Variants in SLC9A2 observed in about 807,000 individuals in gnomAD.
SLC9A2 encodes the protein sodium/hydrogen exchanger 2.
SLC9A2 carries 42 observed loss-of-function variants against 71.7 expected under a neutral mutation model. That is an observed-to-expected ratio of 0.59 (90% CI 0.46 to 0.76). The LOEUF is 0.76. Among genes scored for constraint, SLC9A2 ranks in the 30% least tolerant of loss-of-function variants. The pLI, the probability that SLC9A2 is intolerant of heterozygous loss-of-function variation, is 0.00. For missense variants in SLC9A2, 829 were observed against 1,017.4 expected (o/e 0.81, Z 2.52); for synonymous variants, 396 against 392.5 (o/e 1.01, Z -0.10).
intron 1 of SLC9A2, among the ~76,000 whole-genome samples, chr2:102,626,429 GATTAAAGACTTAA>G (rs551206148): frequency 6.6e-6 from 1 of 152,238 alleles, no homozygotes; most frequent in Admixed American, 6.5e-5. Flanking sequence ...ATTCAAGATG[GATTAAAGACTTAA>G]ATGTTAGACC....
chr2:102,694,591 C>A (rs1677718299), intron 6 of SLC9A2, 88 bp downstream of exon 6: 2 of 583,662 alleles, frequency 3.4e-6, no homozygotes, highest in Non-Finnish European at 5.8e-6. Context: ...TGTCCATTTC[C>A]TGAAGAAGAA....
chr2:102,655,431 G>T (rs1376456167), intron 1 of SLC9A2, among the ~76,000 whole-genome samples: 1 of 152,208 alleles, frequency 6.6e-6, no homozygotes, highest in Non-Finnish European at 1.5e-5. Flanking sequence ...TGGGATTACA[G>T]GTGTGAGTCA....
chr2:102,623,168 C>T (rs1308213874), intron 1 of SLC9A2, among the ~76,000 whole-genome samples: 1 of 152,150 alleles, frequency 6.6e-6, no homozygotes, highest in Non-Finnish European at 1.5e-5. Context: ...ACATATTGCA[C>T]CTCCTGTCCT....
chr2:102,670,251 C>G (rs541727908), intron 3 of SLC9A2, among the ~76,000 whole-genome samples: 3 of 151,350 alleles, frequency 2.0e-5, no homozygotes, highest in African/African-American at 7.3e-5. Context: ...CTCCTGACCT[C>G]GTGATCCGCC....
chr2:102,631,223 C>T (rs1676348497), intron 1 of SLC9A2, among the ~76,000 whole-genome samples: 2 of 151,988 alleles, frequency 1.3e-5, no homozygotes, highest in South Asian at 4.1e-4. Context: ...GCGAATTTCC[C>T]CTGGCTCAAA....
chr2:102,630,380 T>C (rs1487755137), intron 1 of SLC9A2, among the ~76,000 whole-genome samples: 1 of 152,056 alleles, frequency 6.6e-6, no homozygotes, highest in African/African-American at 2.4e-5. Flanking sequence ...ACTCAGAATA[T>C]ATTACTTCAA....
chr2:102,662,556 G>T (rs1478763788), intron 2 of SLC9A2, among the ~76,000 whole-genome samples: 1 of 152,190 alleles, frequency 6.6e-6, no homozygotes, highest in Non-Finnish European at 1.5e-5. Context: ...ATTTGCAAAG[G>T]CTGGAGGGGT....
intron 1 of SLC9A2, among the ~76,000 whole-genome samples, chr2:102,655,120 TG>T (rs1054364658): frequency 6.6e-6 from 1 of 152,148 alleles, no homozygotes; most frequent in African/African-American, 2.4e-5. Flanking sequence ...TATTTAAAAA[TG>T]GTTTTTTTGT....
intron 1 of SLC9A2, among the ~76,000 whole-genome samples, chr2:102,631,711 C>T (rs1676359745): frequency 6.6e-6 from 1 of 151,900 alleles, no homozygotes; most frequent in Admixed American, 6.6e-5. Flanking sequence ...AATGGCTTCT[C>T]TTTAATGTAA....
chr2:102,698,026 C>T (rs1281266248), intron 7 of SLC9A2, among the ~76,000 whole-genome samples: 1 of 152,154 alleles, frequency 6.6e-6, no homozygotes, highest in Non-Finnish European at 1.5e-5. Flanking sequence ...AAGGAAAACG[C>T]ACTATCCCTA....
chr2:102,643,535 TCAGCTC>T (rs1203172407), intron 1 of SLC9A2, among the ~76,000 whole-genome samples: 1 of 152,212 alleles, frequency 6.6e-6, no homozygotes, highest in Non-Finnish European at 1.5e-5. Context: ...GCCGGCTTCT[TCAGCTC>T]CAAGTCTGAG....
chr2:102,658,744 C>T (rs1230487900), intron 2 of SLC9A2, among the ~76,000 whole-genome samples: 1 of 152,026 alleles, frequency 6.6e-6, no homozygotes, highest in Non-Finnish European at 1.5e-5. Context: ...TACTTCTACC[C>T]TGCCTTCTGA....
chr2:102,680,268 T>C (rs1311889381), intron 3 of SLC9A2, among the ~76,000 whole-genome samples: 2 of 152,174 alleles, frequency 1.3e-5, no homozygotes, highest in Non-Finnish European at 2.9e-5. Flanking sequence ...CATGTTATAA[T>C]TCAGATTCTT....
chr2:102,624,113 A>G (rs1030210924), intron 1 of SLC9A2, among the ~76,000 whole-genome samples: 1 of 152,210 alleles, frequency 6.6e-6, no homozygotes, highest in South Asian at 2.1e-4. Context: ...TACCAAAACA[A>G]TGATGATAAT....
intron 1 of SLC9A2, among the ~76,000 whole-genome samples, chr2:102,638,490 A>C (rs1055589625): frequency 6.6e-6 from 1 of 152,202 alleles, no homozygotes; most frequent in Non-Finnish European, 1.5e-5. Context: ...AGCCAAAGGG[A>C]AGCTGAGCTG....
intron 5 of SLC9A2, among the ~76,000 whole-genome samples, chr2:102,694,139 T>G (rs1468105631): frequency 6.6e-6 from 1 of 152,158 alleles, no homozygotes; most frequent in Non-Finnish European, 1.5e-5. Context: ...TTACTTTCTC[T>G]GCTTCTTCCA....
Position 102,657,912 on chromosome 2 carries a change from T to G in SLC9A2, c.638T>G (p.Leu213Ter). 2 of 1,614,200 alleles carry G rather than the reference T, an allele frequency of 1.2e-6. No homozygotes were observed. The highest frequency in any genetic ancestry group is 1.7e-6 in the Non-Finnish European group (2 of 1,180,002). ...TLLQNLLFGS[L>*]ISAVDPVAVL... ...CTCCAGAACCTGCTCTTTGGCAGCT[T>G]AATCTCAGCTGTCGATCCTGTGGCT... Residue 213 changes from leucine to a stop codon, truncating the protein, a stop_gained, in exon 2 of 12, where the codon TTA becomes TGA. Transcript: ENST00000233969. LOFTEE classifies it high-confidence loss of function.
chr2:102,689,741 A>G (rs998870415), intron 5 of SLC9A2: 2 of 152,224 alleles, frequency 1.3e-5, no homozygotes, highest in African/African-American at 2.4e-5. Flanking sequence ...GAAGAAGAGC[A>G]GTATAAGACA....
At chr2:102,622,600 G>A (rs1198540169) in intron 1 of SLC9A2, among the ~76,000 whole-genome samples, 1 of 152,178 alleles carries the variant, frequency 6.6e-6, no homozygotes, top group Non-Finnish European at 1.5e-5. Flanking sequence ...GGTGGTGGGT[G>A]GTGAGCCAGA....
Sources: gnomAD v4.1 joint callset for allele counts (sites outside exome capture counted in the v4.1 genomes callset) on GRCh38, gnomAD v4.1.1 for gene constraint, MANE v1.5 for transcripts, NCBI Gene and HGNC (gene_info 2026-07-23, HGNC 2026-07-21) for gene names.